LRBA: variants seen among roughly 807,000 people sequenced by gnomAD.
LRBA encodes the protein LPS responsive beige-like anchor protein, also known as lipopolysaccharide-responsive and beige-like anchor protein.
Under a neutral mutation model 330.0 loss-of-function variants are expected in LRBA, and 176 were observed. The observed-to-expected ratio is 0.53, with a 90% CI of 0.47 to 0.60. LRBA has a LOEUF of 0.60. Ranked by LOEUF, LRBA falls within the 20% of genes least tolerant of loss-of-function variation. The pLI, the probability that LRBA is intolerant of heterozygous loss-of-function variation, is 0.00. For synonymous variants in LRBA, 1,230 were observed against 1,193.0 expected (o/e 1.03, Z -0.64); for missense variants, 3,259 against 3,444.8 (o/e 0.95, Z 1.35).
At chr4:150,340,142 C>T (rs951108456) in intron 48 of LRBA, among the ~76,000 whole-genome samples, 2 of 152,098 alleles carry the variant, frequency 1.3e-5, no homozygotes, top group African/African-American at 4.8e-5. Flanking sequence ...CCTGAGGCCT[C>T]CCTAGCCATG....
intron 53 of LRBA, among the ~76,000 whole-genome samples, chr4:150,291,436 A>G (rs1348964644): frequency 2.8e-5 from 1 of 36,192 alleles, no homozygotes; most frequent in Non-Finnish European, 5.7e-5. Flanking sequence ...ACTTCTCAAA[A>G]GAAGACATTT....
intron 55 of LRBA, among the ~76,000 whole-genome samples, chr4:150,279,805 C>T (rs1747273211): frequency 6.6e-6 from 1 of 152,194 alleles, no homozygotes; most frequent in Admixed American, 6.5e-5. Flanking sequence ...CCACTCATTT[C>T]ACAAATGGCA....
rs1747411720 is a variant in LRBA at position 150,414,272 on chromosome 4, A to G, written c.7194+1166T>C. On this transcript the variant is annotated intron_variant, in intron 47 of 56. Coordinates refer to ENST00000651943, the MANE Select transcript of LRBA (RefSeq NM_001364905.1). ...TTACATATTCTTTCCACTCCCCTGC[A>G]TTGTTTCCAGTATATATAGAATGCA... is the stretch of plus-strand genomic sequence containing the variant. 4.6e-5 allele frequency among the ~76,000 whole-genome samples: 7 copies of G among 152,274 alleles called. No homozygotes were observed. The South Asian group carries it at 1.4e-3, about 32-fold the overall frequency.
chr4:150,296,778 C>T (rs1239278198), intron 53 of LRBA, among the ~76,000 whole-genome samples: 2 of 151,968 alleles, frequency 1.3e-5, no homozygotes, highest in Admixed American at 6.6e-5. Flanking sequence ...ACAAAGCTGT[C>T]GTAGAATTTC....
chr4:150,921,168 G>C (rs571010954), intron 5 of LRBA, 30 bp downstream of exon 5: 1 of 1,396,030 alleles, frequency 7.2e-7, no homozygotes, highest in Non-Finnish European at 1.0e-6. Flanking sequence ...AGAAGAACTG[G>C]GAGTGATTTC....
rs371416022 is a variant in LRBA, at chr4:150,828,271, T to A, written c.5080A>T (p.Thr1694Ser). The change falls in exon 30 of 57, where the codon ACA (threonine) becomes TCA (serine). Residue 1694 changes from threonine (T) to serine (S), a missense_variant. Physicochemically the swap from Thr to Ser is moderately conservative, Grantham distance 58. Coordinates refer to ENST00000651943, the MANE Select transcript of LRBA (RefSeq NM_001364905.1). ...GGTGGCAGAAGGGCAGGATCCACTG[T>A]GACTCCATCTGCTGGTATGTTAACC... ...SLVNIPADGVTVDPALLPPAC... is the reference protein window; with the variant it reads ...SLVNIPADGVSVDPALLPPAC... The A allele has an allele frequency of 1.9e-5, 31 of 1,614,066 alleles. No individual in the cohort carries two copies. Among genetic ancestry groups the A allele is most frequent in the Non-Finnish European group, 2.6e-5 (31 of 1,180,020 alleles).
rs770085156 is a variant in LRBA at position 150,868,321 on chromosome 4, T to TA, written c.2450-17dup. Reference sequence around the variant, plus strand: ...TTTAGTATCTCTGTAAGACAGTTTATAAATAAGTAAAAACCAAACTCAACA... The same window carrying TA: ...TTTAGTATCTCTGTAAGACAGTTTATAAAATAAGTAAAAACCAAACTCAACA... On this transcript the variant is annotated splice_polypyrimidine_tract_variant and intron_variant, in intron 20 of 56. Transcript: ENST00000651943. 8.3e-6 allele frequency: 13 copies of TA among 1,557,498 alleles called. No homozygotes were observed. In the East Asian group the frequency reaches 1.8e-4, roughly 22 times the overall value.
At chr4:150,851,239 AG>A (rs1367316957) in intron 23 of LRBA, among the ~76,000 whole-genome samples, 1 of 152,234 alleles carries the variant, frequency 6.6e-6, no homozygotes, top group African/African-American at 2.4e-5. Context: ...TTAGAATCTA[AG>A]TGGCATTTGG....
At chr4:150,504,986 T>G (rs1040553835) in intron 40 of LRBA, among the ~76,000 whole-genome samples, 5 of 152,276 alleles carry the variant, frequency 3.3e-5, no homozygotes, top group South Asian at 4.2e-4. Flanking sequence ...AGAAGGCCAT[T>G]ACATAATGGT....
chr4:150,672,086 C>T (rs1269397423), intron 37 of LRBA, among the ~76,000 whole-genome samples: 1 of 152,162 alleles, frequency 6.6e-6, no homozygotes, highest in African/African-American at 2.4e-5. Flanking sequence ...AAAGCAATTA[C>T]AGGAAAATCC....
At chr4:150,722,250 T>C (rs1169322583) in intron 36 of LRBA, among the ~76,000 whole-genome samples, 1 of 152,126 alleles carries the variant, frequency 6.6e-6, no homozygotes. Context: ...AATATAAAGA[T>C]AGCAGGCAAA....
intron 34 of LRBA, among the ~76,000 whole-genome samples, chr4:150,792,403 A>T (rs1311841044): frequency 6.6e-6 from 1 of 152,220 alleles, no homozygotes; most frequent in Non-Finnish European, 1.5e-5. Context: ...GGGAAATTTG[A>T]GGATTAAAAT....
chr4:150,588,315 G>T, intron 39 of LRBA, 131 bp from the exon 40 acceptor site: 2 of 805,170 alleles, frequency 2.5e-6, no homozygotes, highest in Non-Finnish European at 1.8e-6. Context: ...TACTTCTACA[G>T]TTAAATATTC....
At chr4:150,627,624 T>C (rs908755891) in intron 37 of LRBA, among the ~76,000 whole-genome samples, 3 of 151,998 alleles carry the variant, frequency 2.0e-5, no homozygotes, top group Non-Finnish European at 4.4e-5. Context: ...CATAATAATA[T>C]GTAAGATATA....
chr4:150,465,395 C>G (rs1392112696), intron 44 of LRBA, among the ~76,000 whole-genome samples: 1 of 151,900 alleles, frequency 6.6e-6, no homozygotes, highest in Non-Finnish European at 1.5e-5. Flanking sequence ...TGTTCTTATC[C>G]CTACTTTCAA....
chr4:150,639,836 T>C (rs1278079225), intron 37 of LRBA, among the ~76,000 whole-genome samples: 1 of 27,258 alleles, frequency 3.7e-5, no homozygotes, highest in Non-Finnish European at 8.9e-5. Flanking sequence ...TATATATATA[T>C]ATATATATAT....
intron 33 of LRBA, among the ~76,000 whole-genome samples, chr4:150,799,027 A>T (rs1015108502): frequency 5.3e-5 from 8 of 152,054 alleles, no homozygotes; most frequent in African/African-American, 1.9e-4. Context: ...TCTTCCAGGT[A>T]CCCTATCCAT....
intron 52 of LRBA, among the ~76,000 whole-genome samples, chr4:150,303,186 G>A (rs908206720): frequency 3.3e-5 from 5 of 152,066 alleles, no homozygotes; most frequent in African/African-American, 1.2e-4. Flanking sequence ...AAACTTAGTT[G>A]CTTTTCTGTA....
In LRBA at chr4:150,655,802, T is replaced by C. The variant is rs77195020; in HGVS notation, c.5921+27749A>G. On this transcript the variant is annotated intron_variant, in intron 37 of 56. Coordinates refer to ENST00000651943, the MANE Select transcript of LRBA (RefSeq NM_001364905.1). ...ATTGTCTAATGATAAAGTTTTCATA[T>C]GATTTTAAAATACCAAATTCTATTT... Among the ~76,000 whole-genome samples the C allele has an allele frequency of 5.9e-3, 896 of 152,386 alleles. 9 individuals carry two copies. The highest frequency in any genetic ancestry group is 0.02 in the African/African-American group (841 of 41,598).
Sources: allele counts gnomAD v4.1 joint callset (sites outside exome capture counted in the v4.1 genomes callset), GRCh38; gene constraint gnomAD v4.1.1; transcripts MANE v1.5; gene names NCBI Gene and HGNC (gene_info 2026-07-23, HGNC 2026-07-21).